Variants in PRMT5 observed in about 807,000 individuals in gnomAD.
PRMT5 encodes protein arginine methyltransferase 5.
Under a neutral mutation model 84.0 loss-of-function variants are expected in PRMT5, and 15 were observed. The ratio of observed to expected loss-of-function variants is 0.18; its 90% CI spans 0.12 to 0.28. The LOEUF is 0.28. Ranked by LOEUF, PRMT5 falls within the 10% of genes least tolerant of loss-of-function variation. PRMT5 has a pLI of 1.00. For synonymous variants in PRMT5, 276 were observed against 292.4 expected (o/e 0.94, Z 0.57); for missense variants, 486 against 808.0 (o/e 0.60, Z 4.83).
Position 22,924,350 on chromosome 14 carries a change from G to C in PRMT5, c.1119C>G (p.Asn373Lys). Residue 373 changes from asparagine (N) to lysine (K), a missense_variant, in exon 11 of 17, where the codon AAC becomes AAG. Transcript: ENST00000324366. The surrounding 1 kb of genome is among the most constrained non-coding windows in gnomAD (Gnocchi z 6.5). ...VLGAGRGPLV[N>K]ASLRAAKQAD... ...CCTGCTTGGCTGCCCGCAGGGAAGC[G>C]TTCACCAGGGGTCCCCGTCCTGCTC... 1 of 1,614,022 alleles carries C rather than the reference G, an allele frequency of 6.2e-7. No homozygotes were observed. The highest frequency in any genetic ancestry group is 8.5e-7 in the Non-Finnish European group (1 of 1,180,020).
At chr14:22,926,844 T>G (rs377638135) in intron 4 of PRMT5, 30 bp from the exon 5 acceptor site, 46 of 1,521,516 alleles carry the variant, frequency 3.0e-5, no homozygotes, top group Non-Finnish European at 4.2e-5. Flanking sequence ...CTTTTAGAAC[T>G]CTCTTTTGAA....
chr14:22,922,109 G>A, intron 16 of PRMT5, 67 bp downstream of exon 16: 2 of 1,351,484 alleles, frequency 1.5e-6, no homozygotes, highest in Admixed American at 1.7e-5. Context: ...CCTGGGAGAA[G>A]GAAAGAAGCA....
Position 22,920,959 on chromosome 14 carries a change from G to A in PRMT5, c.1859C>T (p.Pro620Leu). Residue 620 changes from proline to leucine, a missense_variant, in exon 17 of 17, where the codon CCA (proline) becomes CTA (leucine). Around this residue, in one of 4 missense-constraint regions of PRMT5, gnomAD observed 219 missense variants for 433.6 expected, o/e 0.51. Transcript: ENST00000324366. ...GGGGTTATGAATAGCAGAACAGACT[G>A]GTGCTGTCACAGCCCACTCATACCA... is the stretch of plus-strand genomic sequence containing the variant. ...KVWYEWAVTA[P>L]VCSAIHNPTG... 1 of 1,614,206 alleles carries A rather than the reference G, an allele frequency of 6.2e-7. No homozygotes were observed. Among genetic ancestry groups the A allele is most frequent in the Non-Finnish European group, 8.5e-7 (1 of 1,180,052 alleles).
At chr14:22,927,452 G>C in intron 4 of PRMT5, 74 bp downstream of exon 4, 4 of 1,579,578 alleles carry the variant, frequency 2.5e-6, no homozygotes, top group Non-Finnish European at 3.5e-6. Flanking sequence ...TCACTGAATG[G>C]CTAGGCACAA....
chr14:22,922,186 A>C lies in PRMT5; in HGVS notation c.1751T>G (p.Phe584Cys). ...AAAAGCAGTTCCTACCTTAATAGGG[A>C]AGAGGATGGGAAACCATGAGAACAT... Reference protein sequence around the residue: ...PGMFSWFPILFPIKQPITVRE... With the variant: ...PGMFSWFPILCPIKQPITVRE... Residue 584 changes from phenylalanine to cysteine, a missense_variant, in exon 16 of 17, where the codon TTC becomes TGC. By Grantham distance (205) the Phe-to-Cys change is radical. Transcript: ENST00000324366. 6.3e-7 allele frequency: 1 copy of C among 1,580,830 alleles called. No homozygotes were observed. Among genetic ancestry groups the C allele is most frequent in the Non-Finnish European group, 8.7e-7 (1 of 1,149,738 alleles).
At position 22,923,184 on chromosome 14, in the gene PRMT5, A is replaced by G; in HGVS notation, c.1376-24T>C. On this transcript the variant is annotated intron_variant, in intron 12 of 16. Coordinates refer to ENST00000324366, the MANE Select transcript of PRMT5 (RefSeq NM_006109.5). The surrounding 1 kb of genome is among the most constrained non-coding windows in gnomAD (Gnocchi z 5.2). ...ATCTGCACAGCAGGAGAGTCAAATT[A>G]GTTCCAGAGGGAGGGAAATGGTATG... is the stretch of plus-strand genomic sequence containing the variant. 6.5e-7 allele frequency: 1 copy of G among 1,538,180 alleles called. No homozygotes were observed. The highest frequency in any genetic ancestry group is 8.9e-7 in the Non-Finnish European group (1 of 1,123,520).
rs933086643 is a variant in PRMT5, at chr14:22,923,624, G to A, written c.1375+384C>T. On this transcript the variant is annotated intron_variant, in intron 12 of 16. Coordinates refer to ENST00000324366, the MANE Select transcript of PRMT5 (RefSeq NM_006109.5). The surrounding 1 kb of genome is among the most constrained non-coding windows in gnomAD (Gnocchi z 5.2). ...CTCCTCCCAGGTTCAAGTGATTCTC[G>A]CGCCTCAGCCTCCCGAGTAGCTGGG... 2.6e-5 allele frequency among the ~76,000 whole-genome samples: 4 copies of A among 151,624 alleles called. No individual in the cohort carries two copies. Among genetic ancestry groups the A allele is most frequent in the East Asian group, 1.9e-4 (1 of 5,150 alleles).
rs758164412 is a variant in PRMT5, at chr14:22,924,885, C to T, written c.933G>A (p.Pro311=). ...AAGTGCACTCCAGACCCACCTGAAG[C>T]GGGGACTGCAGATAGTCTTCATAGC... ...AKGYEDYLQS[P]LQPLMDNLES... is the part of the protein sequence containing the mutation. The change falls in exon 8 of 17, where the codon CCG becomes CCA. Residue 311 remains proline, a synonymous_variant. Transcript: ENST00000324366. The surrounding 1 kb of genome is among the most constrained non-coding windows in gnomAD (Gnocchi z 6.5). The T allele has an allele frequency of 5.0e-6, 8 of 1,613,766 alleles. No homozygotes were observed. The East Asian group carries it at 1.1e-4, about 22-fold the overall frequency.
At position 22,926,670 on chromosome 14, in the gene PRMT5, G is replaced by GGTACAGGATATGCTGTA. The variant is rs764690388; in HGVS notation, c.563+31_563+32insTACAGCATATCCTGTAC. On this transcript the variant is annotated intron_variant, in intron 5 of 16. Transcript: ENST00000324366. ...TGTACTTCCCCTCACCCTATCCCTT[G>GGTACAGGATATGCTGTA]CACCCTGGTACAGCAGCAAAGGGAG... 11 of 1,603,110 alleles carry GGTACAGGATATGCTGTA rather than the reference G, an allele frequency of 6.9e-6. No homozygotes were observed. In the African/African-American group the frequency reaches 1.5e-4, roughly 21 times the overall value.
In PRMT5 at chr14:22,924,817, C is replaced by T. The variant is rs1352316532; in HGVS notation, c.939+62G>A. Reference sequence around the variant, plus strand: ...TCTGAGTTTTAGTAAGATTTGGAGGCATATATTCTCAAGAAACATTTTCCA... The same window carrying T: ...TCTGAGTTTTAGTAAGATTTGGAGGTATATATTCTCAAGAAACATTTTCCA... On this transcript the variant is annotated intron_variant, in intron 8 of 16. Transcript: ENST00000324366. The surrounding 1 kb of genome is among the most constrained non-coding windows in gnomAD (Gnocchi z 6.5). The T allele has an allele frequency of 1.2e-5, 19 of 1,597,468 alleles. No individual in the cohort carries two copies. Among genetic ancestry groups the T allele is most frequent in the Non-Finnish European group, 1.6e-5 (19 of 1,169,428 alleles).
Position 22,923,960 on chromosome 14 carries a change from C to T in PRMT5, c.1375+48G>A. 1 of 1,515,636 alleles carries T rather than the reference C, an allele frequency of 6.6e-7. No individual in the cohort carries two copies. The allele number at this position is 1,515,636 out of a possible 1,614,324, so 93.9% of individuals were successfully genotyped here. On this transcript the variant is annotated intron_variant, in intron 12 of 16. Transcript: ENST00000324366. This position sits in a 1 kb window ranked among gnomAD's most constrained non-coding sequence, Gnocchi z 5.2. ...AACCCTGTACCCTCCTCCCAGGTTG[C>T]TGTCTCACCCATCATCACCCTCCAC...
Position 22,922,775 on chromosome 14 carries a change from G to C in PRMT5, c.1546C>G (p.Gln516Glu). 6.2e-7 allele frequency: 1 copy of C among 1,614,010 alleles called. No homozygotes were observed. Residue 516 changes from glutamine (Q) to glutamate (E), a missense_variant, in exon 14 of 17, where the codon CAG becomes GAG. This residue lies in a region of PRMT5 where 219 missense variants were observed against 433.6 expected (regional missense o/e 0.51). Transcript: ENST00000324366. ...LHNFHQLSAP[Q>E]PCFTFSHPNR... is the part of the protein sequence containing the mutation. ...GGATGGCTGAAGGTGAAACAGGGCT[G>C]GGGTGCAGAGAGCTGGTGGAAGTTG...
Position 22,924,455 on chromosome 14 carries a change from T to G in PRMT5, c.1076+24A>C. ...ATACAGATATAGGTATGCAAGTCCCTGAGATTGAGGGGAAAGCACTCACTG... is the reference window on the plus strand; with the variant it reads ...ATACAGATATAGGTATGCAAGTCCCGGAGATTGAGGGGAAAGCACTCACTG... On this transcript the variant is annotated intron_variant, in intron 10 of 16. Coordinates refer to ENST00000324366, the MANE Select transcript of PRMT5 (RefSeq NM_006109.5). This position sits in a 1 kb window ranked among gnomAD's most constrained non-coding sequence, Gnocchi z 6.5. 2 of 1,613,682 alleles carry G rather than the reference T, an allele frequency of 1.2e-6. No individual in the cohort carries two copies. Among genetic ancestry groups the G allele is most frequent in the Admixed American group, 1.7e-5 (1 of 60,006 alleles).
At chr14:22,922,016 C>T in intron 16 of PRMT5, 160 bp downstream of exon 16, 1 of 685,914 alleles carries the variant, frequency 1.5e-6, no homozygotes, top group Non-Finnish European at 2.6e-6. Flanking sequence ...AGGCAGAAGG[C>T]CACTCCAAAT....
Position 22,925,138 on chromosome 14 carries a change from G to A in PRMT5, c.778-98C>T, listed in dbSNP as rs577511901. ...GAGCCCTAGTGTAAAATAAGGCCCA[G>A]ATCAACAGTTCTCTTTTTTTTTTTT... On this transcript the variant is annotated intron_variant, in intron 7 of 16. Coordinates refer to ENST00000324366, the MANE Select transcript of PRMT5 (RefSeq NM_006109.5). 434 of 1,204,008 alleles carry A rather than the reference G, an allele frequency of 3.6e-4. 1 individual carries two copies. The highest frequency in any genetic ancestry group is 1.8e-3 in the Middle Eastern group (8 of 4,402). The allele number at this position is 1,204,008 out of a possible 1,614,324, so 74.6% of individuals were successfully genotyped here.
At position 22,928,643 on chromosome 14, in the gene PRMT5, G is replaced by A; in HGVS notation, c.111-28C>T. ...ACAACCGCGACAGACCCAGAATCAT[G>A]TAAAGACAGCAGCAGTGCCAGAGAG... On this transcript the variant is annotated intron_variant, in intron 1 of 16. Transcript: ENST00000324366. The surrounding 1 kb of genome is among the most constrained non-coding windows in gnomAD (Gnocchi z 4.8). 2.6e-6 allele frequency: 4 copies of A among 1,536,934 alleles called. No homozygotes were observed. Among genetic ancestry groups the A allele is most frequent in the Non-Finnish European group, 3.6e-6 (4 of 1,109,762 alleles).
rs778118180 is a variant in PRMT5, at chr14:22,926,526, T to C, written c.593A>G (p.Tyr198Cys). ...WWHNFRTLCDYSKRIAVALEI... is the reference protein window; with the variant it reads ...WWHNFRTLCDCSKRIAVALEI... ...CTCACCCACTGCAATCCTCTTACTA[T>C]AGTCACACAAAGTCCGGAAGTTGTG... The change falls in exon 6 of 17, where the codon TAT becomes TGT. Residue 198 changes from tyrosine to cysteine, a missense_variant. Tyr to Cys is a radical substitution (Grantham distance 194). Transcript: ENST00000324366. 1 of 1,614,158 alleles carries C rather than the reference T, an allele frequency of 6.2e-7. No individual in the cohort carries two copies.
At chr14:22,926,633 C>A in intron 5 of PRMT5, 69 bp downstream of exon 5, 1 of 1,602,096 alleles carries the variant, frequency 6.2e-7, no homozygotes, top group Non-Finnish European at 8.6e-7. Context: ...GACCTCCCTA[C>A]AGGTTGCACC....
Position 22,926,231 on chromosome 14 carries a change from T to C in PRMT5, c.679A>G (p.Lys227Glu). 6.2e-7 allele frequency: 1 copy of C among 1,613,854 alleles called. No individual in the cohort carries two copies. The highest frequency in any genetic ancestry group is 8.5e-7 in the Non-Finnish European group (1 of 1,179,792). Residue 227 changes from lysine to glutamate, a missense_variant, in exon 7 of 17, where the codon AAA becomes GAA. Lys to Glu is a moderately conservative substitution (Grantham distance 56). This residue lies in a region of PRMT5 where 215 missense variants were observed against 301.1 expected (regional missense o/e 0.71). Coordinates refer to ENST00000324366, the MANE Select transcript of PRMT5 (RefSeq NM_006109.5). The stretch of plus-strand genomic sequence containing the variant: ...ATGCTAGTGGGGAGAATGGCTGCTT[T>C]GATGGGCTCCCCAAGCCAGCGATCA... ...VIDRWLGEPI[K>E]AAILPTSIFL...
Sources: allele counts gnomAD v4.1 joint callset (sites outside exome capture counted in the v4.1 genomes callset), GRCh38; gene constraint gnomAD v4.1.1; regional missense constraint gnomAD v4.1.1; non-coding constraint Gnocchi (gnomAD v3.1); transcripts MANE v1.5; gene names NCBI Gene and HGNC (gene_info 2026-07-23, HGNC 2026-07-21).